The following ABTB3 variants were observed in gnomAD, a reference collection of about 807,000 sequenced individuals.
ABTB3 encodes the protein ankyrin repeat and BTB domain containing 3.
the ABTB3 span, among the ~76,000 whole-genome samples, chr12:107,431,893 C>A: frequency 2.0e-5 from 3 of 152,196 alleles, no homozygotes; most frequent in Admixed American, 6.5e-5. Context: ...CCCGGCCTGG[C>A]CCATGGAACA....
At chr12:107,424,523 G>A in the ABTB3 span, among the ~76,000 whole-genome samples, 1 of 152,212 alleles carries the variant, frequency 6.6e-6, no homozygotes, top group African/African-American at 2.4e-5. Context: ...ATCAGCCAAG[G>A]ATGGGTTTGA....
chr12:107,462,176 A>G, the ABTB3 span, among the ~76,000 whole-genome samples: 2 of 152,242 alleles, frequency 1.3e-5, no homozygotes, highest in African/African-American at 4.8e-5. Flanking sequence ...TTATTTGCAG[A>G]AAATTTAAAG....
At chr12:107,343,764 A>G in the ABTB3 span, among the ~76,000 whole-genome samples, 3 of 152,292 alleles carry the variant, frequency 2.0e-5, no homozygotes, top group Admixed American at 2.0e-4. Context: ...GCAGAAGACG[A>G]AGGGGAAGCA....
chr12:107,330,861 C>T, the ABTB3 span, among the ~76,000 whole-genome samples: 2 of 152,218 alleles, frequency 1.3e-5, no homozygotes, highest in African/African-American at 4.8e-5. Context: ...CCCATTACAT[C>T]GTGGCTGAAC....
the ABTB3 span, chr12:107,581,041 G>A: frequency 2.1e-5 from 33 of 1,550,544 alleles, no homozygotes; most frequent in Admixed American, 3.9e-5. Context: ...GTGTGGGCTG[G>A]GGAGTCGGGA....
chr12:107,499,833 G>A, the ABTB3 span, among the ~76,000 whole-genome samples: 2 of 152,014 alleles, frequency 1.3e-5, no homozygotes, highest in African/African-American at 2.4e-5. Flanking sequence ...CTACGGGCAC[G>A]CACCACCATT....
the ABTB3 span, among the ~76,000 whole-genome samples, chr12:107,420,679 A>G: frequency 6.6e-6 from 1 of 152,098 alleles, no homozygotes; most frequent in Non-Finnish European, 1.5e-5. Context: ...GAGGCAGCAC[A>G]TTGTGCTGGA....
chr12:107,453,876 A>C, the ABTB3 span, among the ~76,000 whole-genome samples: 2 of 152,166 alleles, frequency 1.3e-5, no homozygotes, highest in Admixed American at 6.5e-5. Flanking sequence ...ATTTGGTACT[A>C]TTCTGCAAGT....
At chr12:107,638,110 T>C in the ABTB3 span, among the ~76,000 whole-genome samples, 61 of 152,186 alleles carry the variant, frequency 4.0e-4, no homozygotes, top group African/African-American at 1.5e-3. Flanking sequence ...ATTAAAATGT[T>C]TAAAGAAAGT....
the ABTB3 span, among the ~76,000 whole-genome samples, chr12:107,498,284 AG>A: frequency 6.6e-6 from 1 of 152,210 alleles, no homozygotes; most frequent in African/African-American, 2.4e-5. Context: ...ACAGATCCTG[AG>A]TTTTAAAGTG....
At chr12:107,569,395 T>G in the ABTB3 span, among the ~76,000 whole-genome samples, 3 of 152,230 alleles carry the variant, frequency 2.0e-5, no homozygotes, top group Non-Finnish European at 4.4e-5. Flanking sequence ...TTTTCTTGGT[T>G]GGGTTAACTA....
the ABTB3 span, among the ~76,000 whole-genome samples, chr12:107,574,153 A>T: frequency 6.6e-6 from 1 of 152,216 alleles, no homozygotes; most frequent in Non-Finnish European, 1.5e-5. Context: ...CCTTTATGAT[A>T]AAAACTGAAG....
chr12:107,370,789 GT>G, the ABTB3 span, among the ~76,000 whole-genome samples: 1 of 63,580 alleles, frequency 1.6e-5, no homozygotes, highest in Non-Finnish European at 3.0e-5. Flanking sequence ...TTTTTTTACA[GT>G]TTTGTGACTT....
the ABTB3 span, chr12:107,319,818 G>C: frequency 7.8e-7 from 1 of 1,288,238 alleles, no homozygotes. Flanking sequence ...GCGCCCGGGG[G>C]AGGAGCGGCG....
the ABTB3 span, among the ~76,000 whole-genome samples, chr12:107,359,985 T>C: frequency 6.6e-6 from 1 of 152,204 alleles, no homozygotes; most frequent in Admixed American, 6.5e-5. Flanking sequence ...CCTGTCATCA[T>C]TCCTTTCTTT....
chr12:107,509,763 C>T, the ABTB3 span, among the ~76,000 whole-genome samples: 1 of 152,228 alleles, frequency 6.6e-6, no homozygotes, highest in East Asian at 1.9e-4. Flanking sequence ...CTGTTTCCCA[C>T]TGCCAAGTCT....
chr12:107,602,530 A>C, the ABTB3 span, among the ~76,000 whole-genome samples: 1 of 152,242 alleles, frequency 6.6e-6, no homozygotes, highest in East Asian at 1.9e-4. Context: ...CATTTAATTC[A>C]TATCCAAAAT....
At chr12:107,604,271 A>G in the ABTB3 span, among the ~76,000 whole-genome samples, 1 of 151,394 alleles carries the variant, frequency 6.6e-6, no homozygotes, top group Admixed American at 6.6e-5. Flanking sequence ...ACATAGAGAA[A>G]CTCTGTCCCT....
chr12:107,455,697 T>G, the ABTB3 span, among the ~76,000 whole-genome samples: 3 of 152,340 alleles, frequency 2.0e-5, no homozygotes, highest in South Asian at 6.2e-4. Flanking sequence ...TGCATGTATC[T>G]TCTAGGTCAG....
Sources: gnomAD v4.1 joint callset for allele counts (sites outside exome capture counted in the v4.1 genomes callset) on GRCh38, gnomAD v4.1.1 for gene constraint, MANE v1.5 for transcripts, NCBI Gene and HGNC (gene_info 2026-07-23, HGNC 2026-07-21) for gene names.